The following PRKD1 variants were observed in gnomAD, a reference collection of about 807,000 sequenced individuals.
PRKD1 encodes serine/threonine-protein kinase D1.
A neutral mutation model predicts 95.9 loss-of-function variants in PRKD1; 63 were observed. That is an observed-to-expected ratio of 0.66 (90% CI 0.54 to 0.81). The LOEUF (loss-of-function observed/expected upper bound fraction) is 0.81, where lower values mean the gene tolerates loss of function less well. PRKD1 is among the 30% of genes least tolerant of loss of function. The pLI is 0.00. For missense variants in PRKD1, 1,048 were observed against 1,165.3 expected (o/e 0.90, Z 1.47); for synonymous variants, 425 against 423.1 (o/e 1.00, Z -0.05).
chr14:29,653,281 G>C (rs1458542288), intron 4 of PRKD1, among the ~76,000 whole-genome samples: 1 of 152,148 alleles, frequency 6.6e-6, no homozygotes, highest in Admixed American at 6.5e-5. Context: ...ATTTCCTAAT[G>C]ATTTCTGTAA....
chr14:29,614,126 T>G (rs968268446), intron 13 of PRKD1, among the ~76,000 whole-genome samples: 1 of 152,200 alleles, frequency 6.6e-6, no homozygotes, highest in African/African-American at 2.4e-5. Flanking sequence ...ATGGATGTCA[T>G]ACATTCCAAA....
At chr14:29,811,449 AC>A (rs1349430952) in intron 1 of PRKD1, among the ~76,000 whole-genome samples, 1 of 152,058 alleles carries the variant, frequency 6.6e-6, no homozygotes, top group Non-Finnish European at 1.5e-5. Flanking sequence ...CAGAAGGATG[AC>A]CCCCAGAAGC....
chr14:29,594,414 T>G (rs892800801), intron 16 of PRKD1, among the ~76,000 whole-genome samples: 1 of 152,184 alleles, frequency 6.6e-6, no homozygotes, highest in Non-Finnish European at 1.5e-5. Context: ...CTCCTTCTGA[T>G]GCAAATTCTT....
Position 29,599,143 on chromosome 14 carries a change from C to CA in PRKD1, c.2068-19dup. 6.3e-7 allele frequency: 1 copy of CA among 1,593,022 alleles called. No homozygotes were observed. Among genetic ancestry groups the CA allele is most frequent in the Non-Finnish European group, 8.6e-7 (1 of 1,161,896 alleles). ...ACGAGTATCTGTAAAGAAGAATCACCAAAATTTCATTCCAGTTTATTAATT... is the reference window on the plus strand; with the variant it reads ...ACGAGTATCTGTAAAGAAGAATCACCAAAAATTTCATTCCAGTTTATTAATT... On this transcript the variant is annotated intron_variant, in intron 14 of 17. Coordinates refer to ENST00000331968, the MANE Select transcript of PRKD1 (RefSeq NM_002742.3).
chr14:29,587,804 C>A (rs2138975668), intron 16 of PRKD1, among the ~76,000 whole-genome samples: 1 of 152,236 alleles, frequency 6.6e-6, no homozygotes, highest in Non-Finnish European at 1.5e-5. Context: ...AAAGTTCCTT[C>A]TTATTGTATA....
intron 1 of PRKD1, among the ~76,000 whole-genome samples, chr14:29,771,123 G>GC (rs1398801300): frequency 6.6e-6 from 1 of 152,118 alleles, no homozygotes; most frequent in East Asian, 1.9e-4. Context: ...AAAATTCTCA[G>GC]CCTTGCCACA....
chr14:29,874,353 G>A (rs1210723021), intron 1 of PRKD1, among the ~76,000 whole-genome samples: 2 of 152,074 alleles, frequency 1.3e-5, no homozygotes, highest in Admixed American at 6.5e-5. Context: ...CAAAGCAAAG[G>A]GAACTCTTAT....
rs376614092 is a variant in PRKD1, at chr14:29,596,333, A to G, written c.2434+1158T>C. Among the ~76,000 whole-genome samples the G allele has an allele frequency of 3.3e-5, 5 of 152,344 alleles. 1 individual carries two copies. The highest frequency in any genetic ancestry group is 1.2e-4 in the African/African-American group (5 of 41,588). Reference sequence around the variant, plus strand: ...ATCTGAACAAACAGAATGAACCTAGAACTAGATATTGCCTGTAAACTAGAA... The same window carrying G: ...ATCTGAACAAACAGAATGAACCTAGGACTAGATATTGCCTGTAAACTAGAA... On this transcript the variant is annotated intron_variant, in intron 16 of 17. Transcript: ENST00000331968.
chr14:29,836,863 G>T (rs1891629663), intron 1 of PRKD1, among the ~76,000 whole-genome samples: 1 of 152,156 alleles, frequency 6.6e-6, no homozygotes, highest in African/African-American at 2.4e-5. Flanking sequence ...AGGTGAGTGA[G>T]CTAGACAAGG....
intron 1 of PRKD1, among the ~76,000 whole-genome samples, chr14:29,801,982 C>T (rs892840191): frequency 8.5e-5 from 13 of 152,172 alleles, no homozygotes; most frequent in African/African-American, 3.1e-4. Flanking sequence ...GCCACCAGGC[C>T]CGGCCTGGGT....
intron 1 of PRKD1, among the ~76,000 whole-genome samples, chr14:29,900,455 G>T (rs1894282966): frequency 6.6e-6 from 1 of 152,076 alleles, no homozygotes; most frequent in African/African-American, 2.4e-5. Context: ...GTCCCCAAAA[G>T]CAACTGCAAC....
chr14:29,705,833 G>C lies in PRKD1; in HGVS notation c.403+19703C>G, dbSNP rs1008635764. Among the ~76,000 whole-genome samples the C allele has an allele frequency of 2.0e-5, 3 of 152,014 alleles. No homozygotes were observed. In the South Asian group the frequency reaches 6.2e-4, roughly 32 times the overall value. On this transcript the variant is annotated intron_variant, in intron 2 of 17. Coordinates refer to ENST00000331968, the MANE Select transcript of PRKD1 (RefSeq NM_002742.3). ...TTTTATAGCTAAATAATATTCTACTGAATGGGTATACCACATTTTCTTTAA... is the reference window on the plus strand; with the variant it reads ...TTTTATAGCTAAATAATATTCTACTCAATGGGTATACCACATTTTCTTTAA...
chr14:29,881,713 C>T (rs1893519215), intron 1 of PRKD1, among the ~76,000 whole-genome samples: 1 of 152,098 alleles, frequency 6.6e-6, no homozygotes, highest in East Asian at 1.9e-4. Context: ...TTTCACTTGG[C>T]TTATTCTTCC....
intron 1 of PRKD1, among the ~76,000 whole-genome samples, chr14:29,738,457 AGT>A (rs1760555013): frequency 6.6e-6 from 1 of 152,194 alleles, no homozygotes; most frequent in South Asian, 2.1e-4. Context: ...TATCTCTCCT[AGT>A]GTCAACTTAC....
intron 1 of PRKD1, among the ~76,000 whole-genome samples, chr14:29,795,549 A>G (rs1360541442): frequency 6.6e-6 from 1 of 152,126 alleles, no homozygotes. Context: ...TGTAACTTAG[A>G]GGATGAGTAA....
At chr14:29,864,840 G>A (rs1012210939) in intron 1 of PRKD1, among the ~76,000 whole-genome samples, 3 of 152,134 alleles carry the variant, frequency 2.0e-5, no homozygotes, top group African/African-American at 7.2e-5. Flanking sequence ...AACCTACCAG[G>A]TTTATTTCTG....
chr14:29,763,385 A>AGGAGGGAAGGAAGGAAGGAG (rs1888099456), intron 1 of PRKD1, among the ~76,000 whole-genome samples: 1 of 115,848 alleles, frequency 8.6e-6, no homozygotes, highest in African/African-American at 3.2e-5. Context: ...GAAGGAAGGA[A>AGGAGGGAAGGAAGGAAGGAG]GGAGGGAGAG....
chr14:29,794,408 G>A (rs530709781), intron 1 of PRKD1, among the ~76,000 whole-genome samples: 4 of 151,188 alleles, frequency 2.6e-5, no homozygotes, highest in African/African-American at 4.9e-5. Flanking sequence ...TTTTTGAGGG[G>A]GTGGCAATTC....
chr14:29,846,459 G>T (rs187308610), intron 1 of PRKD1, among the ~76,000 whole-genome samples: 4 of 152,302 alleles, frequency 2.6e-5, no homozygotes, highest in Admixed American at 2.6e-4. Flanking sequence ...AGGGCTCAAT[G>T]AGTGCAAAAG....
Sources: allele counts gnomAD v4.1 joint callset (sites outside exome capture counted in the v4.1 genomes callset), GRCh38; gene constraint gnomAD v4.1.1; transcripts MANE v1.5; gene names NCBI Gene and HGNC (gene_info 2026-07-23, HGNC 2026-07-21).